Variants in RANBP17 observed in about 807,000 individuals in gnomAD.
RANBP17 encodes RAN binding protein 17.
Under a neutral mutation model 141.2 loss-of-function variants are expected in RANBP17, and 158 were observed. That is an observed-to-expected ratio of 1.12 (90% confidence interval 0.98 to 1.28). The LOEUF is 1.28. Among genes scored for constraint, RANBP17 ranks in the 50% most tolerant of loss-of-function variants. The pLI is 0.00. For missense variants in RANBP17, 1,438 were observed against 1,290.7 expected (o/e 1.11, Z -1.75); for synonymous variants, 430 against 450.0 (o/e 0.96, Z 0.56).
intron 8 of RANBP17, among the ~76,000 whole-genome samples, chr5:170,916,083 T>G (rs947471795): frequency 6.6e-6 from 1 of 151,172 alleles, no homozygotes; most frequent in Admixed American, 6.6e-5. Flanking sequence ...TAATGCATTA[T>G]ATTCTATATT....
intron 25 of RANBP17, 101 bp from the exon 26 acceptor site, chr5:171,293,775 ATAGCTGT>A (rs1206343258): frequency 2.4e-6 from 2 of 817,632 alleles, no homozygotes; most frequent in African/African-American, 3.4e-5. Flanking sequence ...AAGAGCTTTC[ATAGCTGT>A]TAGCAAGATG....
intron 20 of RANBP17, among the ~76,000 whole-genome samples, chr5:171,211,099 C>T (rs1762855171): frequency 6.7e-6 from 1 of 149,716 alleles, no homozygotes; most frequent in Non-Finnish European, 1.5e-5. Flanking sequence ...TCAAAAATAA[C>T]AGCTTTTCTG....
At chr5:171,165,479 A>G (rs185289668) in intron 14 of RANBP17, among the ~76,000 whole-genome samples, 32 of 152,218 alleles carry the variant, frequency 2.1e-4, no homozygotes, top group Admixed American at 1.2e-3. Context: ...CGCCCAGCCT[A>G]AAGTAGGTAT....
chr5:170,899,242 T>C (rs1770409849), intron 5 of RANBP17, among the ~76,000 whole-genome samples: 1 of 152,210 alleles, frequency 6.6e-6, no homozygotes, highest in Non-Finnish European at 1.5e-5. Flanking sequence ...TTACATCCCT[T>C]GTAAATTGGA....
chr5:170,953,031 C>T (rs1775328588), intron 12 of RANBP17, among the ~76,000 whole-genome samples: 1 of 151,976 alleles, frequency 6.6e-6, no homozygotes, highest in East Asian at 1.9e-4. Context: ...TACCATCAAA[C>T]AATGTGAAAT....
intron 14 of RANBP17, chr5:171,029,101 A>G: frequency 3.7e-6 from 1 of 269,822 alleles, no homozygotes; most frequent in South Asian, 4.8e-5. Flanking sequence ...AAAGTTTCCT[A>G]GTCCCCAGAG....
chr5:171,257,462 G>C (rs1246214648), intron 24 of RANBP17, among the ~76,000 whole-genome samples: 4 of 152,060 alleles, frequency 2.6e-5, no homozygotes, highest in African/African-American at 9.7e-5. Flanking sequence ...CATACTGAAT[G>C]GGGAAAAGTT....
chr5:171,066,157 C>T (rs544673223), intron 14 of RANBP17, among the ~76,000 whole-genome samples: 12 of 152,102 alleles, frequency 7.9e-5, no homozygotes, highest in South Asian at 4.2e-4. Context: ...CAACTGCACC[C>T]GGCTGTGTTT....
At chr5:171,007,960 G>C (rs1264856829) in intron 14 of RANBP17, among the ~76,000 whole-genome samples, 2 of 152,176 alleles carry the variant, frequency 1.3e-5, no homozygotes, top group South Asian at 4.1e-4. Context: ...TGCAATGTGG[G>C]TGAGCAGCCA....
At chr5:171,245,176 A>G (rs1765138916) in intron 24 of RANBP17, among the ~76,000 whole-genome samples, 1 of 151,882 alleles carries the variant, frequency 6.6e-6, no homozygotes, top group Non-Finnish European at 1.5e-5. Context: ...TTGTCTACTG[A>G]TGTGATTTCT....
chr5:171,021,647 G>C (rs1780864114), intron 14 of RANBP17, among the ~76,000 whole-genome samples: 2 of 152,148 alleles, frequency 1.3e-5, no homozygotes, highest in South Asian at 4.1e-4. Flanking sequence ...GTCTAAACTG[G>C]TTATTCTAGT....
At chr5:171,022,288 G>A (rs897164997) in intron 14 of RANBP17, among the ~76,000 whole-genome samples, 3 of 152,212 alleles carry the variant, frequency 2.0e-5, no homozygotes, top group Admixed American at 1.3e-4. Context: ...GCACAGGGAT[G>A]TGGACCCATT....
intron 1 of RANBP17, among the ~76,000 whole-genome samples, chr5:170,864,025 G>A (rs1459548284): frequency 6.6e-6 from 1 of 152,208 alleles, no homozygotes; most frequent in Non-Finnish European, 1.5e-5. Flanking sequence ...TTTGTTAATA[G>A]TGATAACCAG....
chr5:170,942,054 C>A (rs1379210214), intron 12 of RANBP17, among the ~76,000 whole-genome samples: 1 of 152,142 alleles, frequency 6.6e-6, no homozygotes, highest in Non-Finnish European at 1.5e-5. Context: ...CCTGTCAGAT[C>A]AGCAGCGGCA....
chr5:171,264,689 T>C (rs1400324741), intron 24 of RANBP17, among the ~76,000 whole-genome samples: 2 of 152,220 alleles, frequency 1.3e-5, no homozygotes, highest in Non-Finnish European at 2.9e-5. Context: ...TTTCTTCTCA[T>C]TCAACTCTGC....
chr5:171,177,165 T>A (rs1393335119), intron 16 of RANBP17, among the ~76,000 whole-genome samples: 1 of 152,154 alleles, frequency 6.6e-6, no homozygotes, highest in Non-Finnish European at 1.5e-5. Flanking sequence ...TTTCATTGTT[T>A]TCTGTCTTTA....
intron 14 of RANBP17, among the ~76,000 whole-genome samples, chr5:171,075,573 T>A (rs1581569721): frequency 6.6e-6 from 1 of 151,674 alleles, no homozygotes; most frequent in Non-Finnish European, 1.5e-5. Context: ...CTAAGGAGAG[T>A]GGTGTTTCTT....
At chr5:171,208,806 A>G (rs999232539) in intron 20 of RANBP17, among the ~76,000 whole-genome samples, 2 of 152,050 alleles carry the variant, frequency 1.3e-5, no homozygotes, top group Non-Finnish European at 2.9e-5. Flanking sequence ...AACCTATCTC[A>G]CAGGTATGTT....
chr5:170,947,711 T>A (rs1774873999), intron 12 of RANBP17, among the ~76,000 whole-genome samples: 1 of 152,006 alleles, frequency 6.6e-6, no homozygotes, highest in South Asian at 2.1e-4. Context: ...ATGCTTAGAG[T>A]GTATACTCTA....
Sources: gnomAD v4.1 joint callset for allele counts (sites outside exome capture counted in the v4.1 genomes callset) on GRCh38, gnomAD v4.1.1 for gene constraint, MANE v1.5 for transcripts, NCBI Gene and HGNC (gene_info 2026-07-23, HGNC 2026-07-21) for gene names.